GUCY2C: variants seen among roughly 807,000 people sequenced by gnomAD.
The protein encoded by GUCY2C is guanylyl cyclase C.
Under a neutral mutation model 131.1 loss-of-function variants are expected in GUCY2C, and 118 were observed. The ratio of observed to expected loss-of-function variants is 0.90; its 90% CI spans 0.78 to 1.05. The LOEUF (loss-of-function observed/expected upper bound fraction) is 1.05. Among genes scored for constraint, GUCY2C ranks in the 50% least tolerant of loss-of-function variants. GUCY2C has a pLI of 0.00. For synonymous variants in GUCY2C, 452 were observed against 457.8 expected (o/e 0.99, Z 0.16); for missense variants, 1,161 against 1,304.4 (o/e 0.89, Z 1.69).
Position 14,685,364 on chromosome 12 carries a change from A to G in GUCY2C, c.395+797T>C, listed in dbSNP as rs550435347. On this transcript the variant is annotated intron_variant, in intron 3 of 26. Coordinates refer to ENST00000261170, the MANE Select transcript of GUCY2C (RefSeq NM_004963.4). ...ATGGTGGGTGTGAGGTGACAAAAGCAAACTTTGCAACAGAATTTTCAGAGG... is the reference window on the plus strand; with the variant it reads ...ATGGTGGGTGTGAGGTGACAAAAGCGAACTTTGCAACAGAATTTTCAGAGG... Among the ~76,000 whole-genome samples the G allele has an allele frequency of 8.5e-5, 13 of 152,262 alleles. No homozygotes were observed. The South Asian group carries it at 2.3e-3, about 27-fold the overall frequency.
Position 14,616,644 on chromosome 12 carries a change from T to C in GUCY2C, c.2959A>G (p.Thr987Ala). Residue 987 changes from threonine (T) to alanine (A), a missense_variant, in exon 25 of 27, where the codon ACA becomes GCA. By Grantham distance (58) the Thr-to-Ala change is moderately conservative. Coordinates refer to ENST00000261170, the MANE Select transcript of GUCY2C (RefSeq NM_004963.4). ...TGTGGACTCCTTACCTTTAAGTATG[T>C]TTCTCCTCTCACTTCATAAAGGAAC... ...CQFLYEVRGE[T>A]YLKGRGNETT... 1.3e-6 allele frequency: 2 copies of C among 1,575,532 alleles called. No homozygotes were observed. The highest frequency in any genetic ancestry group is 8.7e-7 in the Non-Finnish European group (1 of 1,144,952).
In GUCY2C at chr12:14,621,111, A is replaced by C. The variant is rs768834928; in HGVS notation, c.2707T>G (p.Phe903Val). 1 of 1,614,016 alleles carries C rather than the reference A, an allele frequency of 6.2e-7. No individual in the cohort carries two copies. Among genetic ancestry groups the C allele is most frequent in the Non-Finnish European group, 8.5e-7 (1 of 1,179,920 alleles). The change falls in exon 23 of 27, where the codon TTC (phenylalanine) becomes GTC (valine). Residue 903 changes from phenylalanine to valine, a missense_variant. By Grantham distance (50) the Phe-to-Val change is conservative (BLOSUM62 -1). Transcript: ENST00000261170. Reference protein sequence around the residue: ...IAKMALEILSFMGTFELEHLP... With the variant: ...IAKMALEILSVMGTFELEHLP... ...TGCTCCAGCTCAAAGGTCCCCATGAAGCTGAGGATTTCCAAGGCCATCTTG... is the reference window on the plus strand; with the variant it reads ...TGCTCCAGCTCAAAGGTCCCCATGACGCTGAGGATTTCCAAGGCCATCTTG...
chr12:14,691,088 A>G (rs1948566751), intron 1 of GUCY2C, among the ~76,000 whole-genome samples: 1 of 152,214 alleles, frequency 6.6e-6, no homozygotes, highest in South Asian at 2.1e-4. Context: ...AATGTTTTTA[A>G]AGGTAGAGAC....
intron 19 of GUCY2C, among the ~76,000 whole-genome samples, chr12:14,637,205 A>AAC (rs1305640088): frequency 6.6e-6 from 1 of 151,184 alleles, no homozygotes; most frequent in East Asian, 1.9e-4. Flanking sequence ...CCAAAAAAAA[A>AAC]AAAAAACCAC....
intron 19 of GUCY2C, among the ~76,000 whole-genome samples, chr12:14,636,444 A>C (rs1253319043): frequency 6.6e-6 from 1 of 152,192 alleles, no homozygotes. Context: ...CTAGCCATAG[A>C]AGGAATATAT....
rs763194023 is a variant in GUCY2C at position 14,675,060 on chromosome 12, A to T, written c.949-300T>A. Among the ~76,000 whole-genome samples, 77 of 151,842 alleles carry T rather than the reference A, an allele frequency of 5.1e-4. 1 individual carries two copies. Among genetic ancestry groups the T allele is most frequent in the Non-Finnish European group, 3.7e-4 (25 of 67,946 alleles). ...CCCCATCTCTATAAAAATACAAAAA[A>T]ATTAGCCTGCTGTGGTGGCACATGC... On this transcript the variant is annotated intron_variant, in intron 7 of 26. Coordinates refer to ENST00000261170, the MANE Select transcript of GUCY2C (RefSeq NM_004963.4).
chr12:14,628,793 G>C, intron 19 of GUCY2C, 56 bp from the exon 20 acceptor site: 1 of 877,580 alleles, frequency 1.1e-6, no homozygotes, highest in East Asian at 2.4e-5. Context: ...TAAATCAAGA[G>C]AGAATTCTTA....
chr12:14,619,512 A>AAGTATTTTGC, intron 23 of GUCY2C: 2 of 503,898 alleles, frequency 4.0e-6, no homozygotes, highest in Non-Finnish European at 7.0e-6. Context: ...TGCGATCATA[A>AAGTATTTTGC]AGTATTTTGC....
In GUCY2C at chr12:14,683,044, G is replaced by T; in HGVS notation, c.609C>A (p.Phe203Leu). 6.2e-7 allele frequency: 1 copy of T among 1,602,732 alleles called. No homozygotes were observed. The highest frequency in any genetic ancestry group is 8.5e-7 in the Non-Finnish European group (1 of 1,169,836). Residue 203 changes from phenylalanine (F) to leucine (L), a missense_variant and splice_region_variant, in exon 4 of 27, where the codon TTC becomes TTA. By Grantham distance (22) the Phe-to-Leu change is conservative (BLOSUM62 0). Transcript: ENST00000261170. Reference sequence around the variant, plus strand: ...GAAATATTAATGATCCTGCTTACCAGAAACAGTCCTCAGTTTCTGTACCAT... The same window carrying T: ...GAAATATTAATGATCCTGCTTACCATAAACAGTCCTCAGTTTCTGTACCAT... Reference protein sequence around the residue: ...YKNGTETEDCFWYLNALEASV... With the variant: ...YKNGTETEDCLWYLNALEASV...
At chr12:14,674,484 T>C in intron 8 of GUCY2C, 141 bp downstream of exon 8, 1 of 811,258 alleles carries the variant, frequency 1.2e-6, no homozygotes, top group Non-Finnish European at 2.2e-6. Flanking sequence ...AAAGTTTATG[T>C]AATGATGTTT....
chr12:14,691,548 A>T (rs1948574682), intron 1 of GUCY2C, among the ~76,000 whole-genome samples: 1 of 152,272 alleles, frequency 6.6e-6, no homozygotes, highest in East Asian at 1.9e-4. Context: ...GGAGTCAGAA[A>T]GTGACGTGGA....
chr12:14,652,766 G>A (rs1221041547), intron 13 of GUCY2C, among the ~76,000 whole-genome samples, 186 bp downstream of exon 13: 1 of 152,106 alleles, frequency 6.6e-6, no homozygotes, highest in African/African-American at 2.4e-5. Context: ...ATTTTCCCCA[G>A]GATTGTGAGT....
chr12:14,668,232 G>A (rs565599910), intron 10 of GUCY2C, among the ~76,000 whole-genome samples: 67 of 152,028 alleles, frequency 4.4e-4, no homozygotes, highest in East Asian at 7.7e-4. Flanking sequence ...GTGCAGTGGC[G>A]TGATCTTGGC....
At chr12:14,693,713 T>G (rs558942502) in intron 1 of GUCY2C, among the ~76,000 whole-genome samples, 164 of 152,340 alleles carry the variant, frequency 1.1e-3, no homozygotes, top group African/African-American at 3.4e-3. Context: ...AGCTTATTCC[T>G]TCATCTCCAT....
At chr12:14,689,763 T>C (rs369738176) in intron 1 of GUCY2C, among the ~76,000 whole-genome samples, 1 of 152,194 alleles carries the variant, frequency 6.6e-6, no homozygotes, top group Non-Finnish European at 1.5e-5. Flanking sequence ...AATTTATCAA[T>C]GGGTATGATT....
intron 21 of GUCY2C, 118 bp downstream of exon 21, chr12:14,625,639 G>T: frequency 9.5e-7 from 1 of 1,054,436 alleles, no homozygotes. Context: ...GGCAGTACGT[G>T]CATTTTAAAA....
chr12:14,630,064 C>T (rs1056706401), intron 19 of GUCY2C, among the ~76,000 whole-genome samples: 4 of 150,484 alleles, frequency 2.7e-5, no homozygotes, highest in African/African-American at 9.8e-5. Flanking sequence ...CAGGAGGAAG[C>T]CCAACTGCTC....
intron 11 of GUCY2C, among the ~76,000 whole-genome samples, chr12:14,657,071 G>A (rs1592118939): frequency 6.6e-6 from 1 of 152,200 alleles, no homozygotes; most frequent in African/African-American, 2.4e-5. Context: ...TCGCTCACCC[G>A]CTGCTCACCT....
At chr12:14,626,035 A>T in intron 20 of GUCY2C, 120 bp from the exon 21 acceptor site, 1 of 680,248 alleles carries the variant, frequency 1.5e-6, no homozygotes, top group Non-Finnish European at 2.4e-6. Context: ...AAGCCAACAA[A>T]CATAACAAAA....
Sources: allele counts gnomAD v4.1 joint callset (sites outside exome capture counted in the v4.1 genomes callset), GRCh38; gene constraint gnomAD v4.1.1; transcripts MANE v1.5; gene names NCBI Gene and HGNC (gene_info 2026-07-23, HGNC 2026-07-21).